DYNC1I2: variants seen among roughly 807,000 people sequenced by gnomAD.
The protein encoded by DYNC1I2 is dynein cytoplasmic 1 intermediate chain 2, also known as cytoplasmic dynein 1 intermediate chain 2.
Under a neutral mutation model 88.6 loss-of-function variants are expected in DYNC1I2, and 53 were observed. The observed-to-expected ratio is 0.60, with a 90% CI of 0.48 to 0.75. The LOEUF (loss-of-function observed/expected upper bound fraction) is 0.75. DYNC1I2 is among the 30% of genes least tolerant of loss of function. DYNC1I2 has a pLI of 0.00. For synonymous variants in DYNC1I2, 198 were observed against 254.6 expected (o/e 0.78, Z 2.12); for missense variants, 458 against 766.6 (o/e 0.60, Z 4.75).
chr2:171,698,906 C>T (rs1685994088), intron 3 of DYNC1I2, among the ~76,000 whole-genome samples: 1 of 151,802 alleles, frequency 6.6e-6, no homozygotes, highest in Non-Finnish European at 1.5e-5. Flanking sequence ...GCCGTGTTGC[C>T]TAGGCTGGTC....
intron 3 of DYNC1I2, among the ~76,000 whole-genome samples, chr2:171,697,791 A>G (rs112677784): frequency 0.016 from 2,499 of 152,176 alleles, 58 homozygotes; most frequent in African/African-American, 0.053. Context: ...TTGCAAGGTC[A>G]AGGTGCTGGC....
intron 15 of DYNC1I2, among the ~76,000 whole-genome samples, chr2:171,731,139 G>A (rs1688578134): frequency 6.6e-6 from 1 of 152,192 alleles, no homozygotes; most frequent in Admixed American, 6.5e-5. Context: ...ATCGGACAGA[G>A]CCTGAATACA....
rs1574489189 is a variant in DYNC1I2, at chr2:171,688,304, C to T, written c.-10+677C>T. On this transcript the variant is annotated intron_variant, in intron 1 of 17. Transcript: ENST00000397119. ...AGCACAAAACTCTAGAGACTCTCTT[C>T]TCTTGAGTTTTAAGAACGTGAACAT... 4.6e-5 allele frequency: 7 copies of T among 152,322 alleles called. No homozygotes were observed. The South Asian group carries it at 1.5e-3, about 32-fold the overall frequency. The allele number at this position is 152,322 out of a possible 1,614,324, so 9.4% of individuals were successfully genotyped here.
chr2:171,736,737 A>C (rs897819923), intron 15 of DYNC1I2, among the ~76,000 whole-genome samples: 1 of 152,150 alleles, frequency 6.6e-6, no homozygotes, highest in Non-Finnish European at 1.5e-5. Context: ...CAAAAAGTTA[A>C]TATATTCAGT....
At chr2:171,743,470 C>T (rs1689583284) in intron 15 of DYNC1I2, among the ~76,000 whole-genome samples, 1 of 152,196 alleles carries the variant, frequency 6.6e-6, no homozygotes, top group Non-Finnish European at 1.5e-5. Flanking sequence ...TCAGATTAGC[C>T]CACCACACTG....
intron 15 of DYNC1I2, among the ~76,000 whole-genome samples, chr2:171,733,297 G>A (rs1295411063): frequency 1.3e-5 from 2 of 151,904 alleles, no homozygotes; most frequent in African/African-American, 4.8e-5. Flanking sequence ...ATAATAGAGT[G>A]ATTGATACTC....
At chr2:171,688,862 TCTC>T (rs1054406955) in intron 1 of DYNC1I2, among the ~76,000 whole-genome samples, 19 of 152,328 alleles carry the variant, frequency 1.2e-4, no homozygotes, top group African/African-American at 4.6e-4. Flanking sequence ...CAGAGGTTAT[TCTC>T]CTAGTTTTCT....
intron 3 of DYNC1I2, among the ~76,000 whole-genome samples, chr2:171,695,352 G>A (rs1685690257): frequency 6.6e-6 from 1 of 152,056 alleles, no homozygotes; most frequent in Non-Finnish European, 1.5e-5. Flanking sequence ...GCCTTCTTCG[G>A]CCTCCCAAAG....
chr2:171,737,627 C>G (rs1689101731), intron 15 of DYNC1I2, among the ~76,000 whole-genome samples: 1 of 152,138 alleles, frequency 6.6e-6, no homozygotes, highest in Non-Finnish European at 1.5e-5. Flanking sequence ...CATGCTTGGC[C>G]AGGCTGGTCT....
chr2:171,707,488 T>G (rs1686773099), intron 5 of DYNC1I2, 111 bp downstream of exon 5: 1 of 901,992 alleles, frequency 1.1e-6, no homozygotes. Context: ...TCCTAACATT[T>G]TAAAATCTAA....
chr2:171,700,020 A>G (rs1686123873), intron 3 of DYNC1I2, among the ~76,000 whole-genome samples: 1 of 152,094 alleles, frequency 6.6e-6, no homozygotes. Flanking sequence ...CTGCTGGTCA[A>G]GAATTTGGTA....
intron 3 of DYNC1I2, among the ~76,000 whole-genome samples, chr2:171,693,658 A>C (rs978838898): frequency 6.6e-6 from 1 of 152,226 alleles, no homozygotes; most frequent in Admixed American, 6.5e-5. Flanking sequence ...TAAATGCTCT[A>C]TGCTTGTTGT....
At chr2:171,747,286 CA>C (rs1434953997) in intron 17 of DYNC1I2, among the ~76,000 whole-genome samples, 1 of 149,216 alleles carries the variant, frequency 6.7e-6, no homozygotes, top group Non-Finnish European at 1.5e-5. Flanking sequence ...GCCACCAGTG[CA>C]GCACTAAAGT....
chr2:171,726,326 C>A, intron 10 of DYNC1I2, 33 bp downstream of exon 10: 1 of 1,434,250 alleles, frequency 7.0e-7, no homozygotes, highest in Non-Finnish European at 9.5e-7. Context: ...GCTCTTAACT[C>A]ATTTTTAAAA....
rs180945613 is a variant in DYNC1I2 at position 171,748,975 on chromosome 2, C to G, written c.*1086C>G. On this transcript the variant is annotated 3_prime_UTR_variant, in exon 18 of 18. Transcript: ENST00000397119. ...TATGATCAGATCTTGATTTTATCTA[C>G]TTTAAATTGTCTATTTATTTGATCC... Among the ~76,000 whole-genome samples, 9 of 152,282 alleles carry G rather than the reference C, an allele frequency of 5.9e-5. No homozygotes were observed. Among genetic ancestry groups the G allele is most frequent in the Admixed American group, 2.6e-4 (4 of 15,300 alleles).
intron 15 of DYNC1I2, among the ~76,000 whole-genome samples, chr2:171,743,658 T>C (rs1689596896): frequency 6.6e-6 from 1 of 152,250 alleles, no homozygotes. Flanking sequence ...CTGTAGATGC[T>C]GTCTGTGAAT....
At chr2:171,739,692 ATCTC>A (rs139994695) in intron 15 of DYNC1I2, among the ~76,000 whole-genome samples, 2 of 127,474 alleles carry the variant, frequency 1.6e-5, no homozygotes, top group Admixed American at 8.1e-5. Context: ...CGATTGACAT[ATCTC>A]TTTTTTTTTT....
chr2:171,715,389 A>G lies in DYNC1I2; in HGVS notation c.457A>G (p.Ile153Val). The change falls in exon 7 of 18, where the codon ATT becomes GTT. Residue 153 changes from isoleucine to valine, a missense_variant. Physicochemically the swap from Ile to Val is conservative, Grantham distance 29 (BLOSUM62 3). Coordinates refer to ENST00000397119, the MANE Select transcript of DYNC1I2 (RefSeq NM_001378.3). Reference protein sequence around the residue: ...ITQVDFPPREIVTYTKETQTP... With the variant: ...ITQVDFPPREVVTYTKETQTP... The stretch of plus-strand genomic sequence containing the variant: ...GCAAGTCGACTTTCCTCCTCGAGAA[A>G]TTGTCACGTATACAAAGGAAACTCA... 4 of 1,569,922 alleles carry G rather than the reference A, an allele frequency of 2.5e-6. No individual in the cohort carries two copies. The highest frequency in any genetic ancestry group is 3.5e-6 in the Non-Finnish European group (4 of 1,155,942).
At chr2:171,730,558 C>T (rs1485664180) in intron 15 of DYNC1I2, among the ~76,000 whole-genome samples, 1 of 152,148 alleles carries the variant, frequency 6.6e-6, no homozygotes, top group Admixed American at 6.5e-5. Flanking sequence ...AACATTACCT[C>T]CTGTGATAGA....
Sources: allele counts gnomAD v4.1 joint callset (sites outside exome capture counted in the v4.1 genomes callset), GRCh38; gene constraint gnomAD v4.1.1; transcripts MANE v1.5; gene names NCBI Gene and HGNC (gene_info 2026-07-23, HGNC 2026-07-21).